Variants in SLC26A5 observed in about 807,000 individuals in gnomAD.
SLC26A5 encodes solute carrier family 26 member 5, also known as prestin.
In SLC26A5, 51 loss-of-function variants were observed where a neutral mutation model predicts 81.0. The observed-to-expected ratio is 0.63, with a 90% CI of 0.50 to 0.80. SLC26A5 has a LOEUF of 0.80. Among genes scored for constraint, SLC26A5 ranks in the 30% least tolerant of loss-of-function variants. The pLI, the probability that SLC26A5 is intolerant of heterozygous loss-of-function variation, is 0.00. For missense variants in SLC26A5, 771 were observed against 905.8 expected, an observed-to-expected ratio of 0.85 and a Z score of 1.91; for synonymous variants, 325 against 332.8, an observed-to-expected ratio of 0.98 and a Z score of 0.25.
rs542627357 is a variant in SLC26A5, at chr7:103,361,671, A to G, written c.2042-8745T>C. 7.2e-5 allele frequency among the ~76,000 whole-genome samples: 11 copies of G among 152,318 alleles called. No homozygotes were observed. The South Asian group carries it at 8.3e-4, about 11-fold the overall frequency. ...ACTTAAGATATACAGGAGCATCACT[A>G]ATAATAAAGGAATACAAACTATGGA... On this transcript the variant is annotated intron_variant, in intron 19 of 19. Transcript: ENST00000339444.
At chr7:103,424,746 G>A in intron 2 of SLC26A5, among the ~76,000 whole-genome samples, 1 of 152,118 alleles carries the variant, frequency 6.6e-6, no homozygotes, top group Non-Finnish European at 1.5e-5. Flanking sequence ...TGTCAATCAG[G>A]TGAATTATGA....
chr7:103,410,577 A>G (rs750124985), intron 6 of SLC26A5, 28 bp from the exon 7 acceptor site: 1 of 1,576,352 alleles, frequency 6.3e-7, no homozygotes, highest in South Asian at 1.1e-5. Flanking sequence ...CAAAGAAACA[A>G]ATGAATCACA....
chr7:103,353,681 A>G (rs929834795), intron 19 of SLC26A5, among the ~76,000 whole-genome samples: 20 of 152,238 alleles, frequency 1.3e-4, no homozygotes, highest in African/African-American at 4.8e-4. Context: ...TGTATGTACT[A>G]TATAAAATAG....
chr7:103,375,399 A>G (rs1341722988), intron 19 of SLC26A5, among the ~76,000 whole-genome samples: 1 of 152,022 alleles, frequency 6.6e-6, no homozygotes, highest in East Asian at 1.9e-4. Context: ...TGCACTTATA[A>G]TTTTGAAAGC....
intron 7 of SLC26A5, among the ~76,000 whole-genome samples, chr7:103,409,639 T>A (rs957993993): frequency 2.6e-5 from 4 of 152,206 alleles, no homozygotes; most frequent in African/African-American, 9.6e-5. Context: ...AAGGGGTCTA[T>A]ATAATTAAAA....
intron 19 of SLC26A5, chr7:103,354,765 A>G (rs1417290340): frequency 2.8e-6 from 2 of 712,332 alleles, no homozygotes; most frequent in Admixed American, 5.0e-5. Flanking sequence ...GCTTTGGGAT[A>G]ATGATAGCTA....
At chr7:103,399,801 G>T (rs1037888845) in intron 8 of SLC26A5, among the ~76,000 whole-genome samples, 2 of 152,088 alleles carry the variant, frequency 1.3e-5, no homozygotes, top group South Asian at 4.1e-4. Flanking sequence ...ACTCCCACTT[G>T]CAAGTGAGAA....
intron 19 of SLC26A5, chr7:103,354,906 A>G: frequency 6.2e-7 from 1 of 1,613,626 alleles, no homozygotes; most frequent in Non-Finnish European, 8.5e-7. Context: ...AGCAAGTTGA[A>G]GATGACATTC....
chr7:103,406,155 C>T (rs1824032255), intron 8 of SLC26A5, among the ~76,000 whole-genome samples: 2 of 152,176 alleles, frequency 1.3e-5, no homozygotes, highest in South Asian at 2.1e-4. Flanking sequence ...CACTTGGCTC[C>T]CTGCCTTTAG....
At position 103,411,403 on chromosome 7, in the gene SLC26A5, C is replaced by A; in HGVS notation, c.570+17G>T. The A allele has an allele frequency of 6.2e-7, 1 of 1,613,932 alleles. No homozygotes were observed. Among genetic ancestry groups the A allele is most frequent in the Non-Finnish European group, 8.5e-7 (1 of 1,179,858 alleles). On this transcript the variant is annotated intron_variant, in intron 6 of 19. Transcript: ENST00000306312. ...TTAACAAACGAGACAGTCCATTTCCCCATCTTTGAGCCTTACCTGAATGAT... is the reference window on the plus strand; with the variant it reads ...TTAACAAACGAGACAGTCCATTTCCACATCTTTGAGCCTTACCTGAATGAT...
intron 2 of SLC26A5, among the ~76,000 whole-genome samples, chr7:103,429,856 C>T (rs1329239764): frequency 6.6e-6 from 1 of 152,196 alleles, no homozygotes; most frequent in Non-Finnish European, 1.5e-5. Context: ...GTTGCCATAG[C>T]ATGTAGTCTT....
At chr7:103,417,289 G>A (rs922838834) in intron 4 of SLC26A5, among the ~76,000 whole-genome samples, 12 of 148,886 alleles carry the variant, frequency 8.1e-5, no homozygotes, top group African/African-American at 2.5e-4. Context: ...AGAATTGCTT[G>A]AATCCGGGAG....
Position 103,390,502 on chromosome 7 carries a change from G to A in SLC26A5, c.1238C>T (p.Ala413Val). Residue 413 changes from alanine to valine, a missense_variant, in exon 12 of 20, where the codon GCA becomes GTA. By Grantham distance (64) the Ala-to-Val change is moderately conservative. Coordinates refer to ENST00000306312, the MANE Select transcript of SLC26A5 (RefSeq NM_198999.3). The stretch of plus-strand genomic sequence containing the variant: ...AATCATTAATGAGGCCAAACAACCT[G>A]CAAGCTGAATGAGAGAAGACACATG... ...QEGTGGKTQL[A>V]GCLASLMILL... is the part of the protein sequence containing the mutation. 6.2e-7 allele frequency: 1 copy of A among 1,613,940 alleles called. No individual in the cohort carries two copies. The highest frequency in any genetic ancestry group is 8.5e-7 in the Non-Finnish European group (1 of 1,179,810).
intron 8 of SLC26A5, among the ~76,000 whole-genome samples, chr7:103,406,272 C>T (rs1824042796): frequency 6.6e-6 from 1 of 152,036 alleles, no homozygotes; most frequent in East Asian, 1.9e-4. Flanking sequence ...AAATAGCTGC[C>T]CAGTTTTGTG....
At chr7:103,383,426 G>A (rs751412745) in intron 14 of SLC26A5, among the ~76,000 whole-genome samples, 1 of 152,156 alleles carries the variant, frequency 6.6e-6, no homozygotes, top group Non-Finnish European at 1.5e-5. Flanking sequence ...TGATGAACAG[G>A]CCTTCCTGAC....
Position 103,367,774 on chromosome 7 carries a change from T to G in SLC26A5, c.2041+9034A>C. Reference sequence around the variant, plus strand: ...ATGAGTGTTGAAAGAGATATCAGATTTGAACTGTTAGCACGACTGTGTCCA... The same window carrying G: ...ATGAGTGTTGAAAGAGATATCAGATGTGAACTGTTAGCACGACTGTGTCCA... On this transcript the variant is annotated intron_variant, in intron 19 of 19. Transcript: ENST00000339444. The surrounding 1 kb of genome is among the most constrained non-coding windows in gnomAD (Gnocchi z 6.1). The G allele has an allele frequency of 6.2e-7, 1 of 1,614,098 alleles. No homozygotes were observed. Among genetic ancestry groups the G allele is most frequent in the Non-Finnish European group, 8.5e-7 (1 of 1,179,964 alleles).
In SLC26A5 at chr7:103,374,246, A is replaced by G; in HGVS notation, c.*153T>C. The G allele has an allele frequency of 1.4e-6, 2 of 1,456,520 alleles. No individual in the cohort carries two copies. The highest frequency in any genetic ancestry group is 1.5e-5 in the South Asian group (1 of 68,220). The allele number at this position is 1,456,520 out of a possible 1,614,324, so 90.2% of individuals were successfully genotyped here. A position where few individuals can be genotyped will look rare whatever the true frequency, so the allele number is the denominator to read the frequency against. On this transcript the variant is annotated 3_prime_UTR_variant, in exon 20 of 20. Coordinates refer to ENST00000306312, the MANE Select transcript of SLC26A5 (RefSeq NM_198999.3). The stretch of plus-strand genomic sequence containing the variant: ...ATTCAATTAAAAAAACACAAGTACA[A>G]TACATCTTGCTAGGCGTCATTCACC...
chr7:103,418,377 T>G (rs1232787237), intron 4 of SLC26A5, among the ~76,000 whole-genome samples: 1 of 152,232 alleles, frequency 6.6e-6, no homozygotes. Flanking sequence ...TGAGGAGTTC[T>G]TTGAGTGTGA....
rs1377220869 is a variant in SLC26A5 at position 103,406,708 on chromosome 7, TG to T, written c.888+1142del. Among the ~76,000 whole-genome samples, 8 of 152,278 alleles carry T rather than the reference TG, an allele frequency of 5.3e-5. No homozygotes were observed. In the South Asian group the frequency reaches 8.3e-4, roughly 16 times the overall value. On this transcript the variant is annotated intron_variant, in intron 8 of 19. Transcript: ENST00000306312. The stretch of plus-strand genomic sequence containing the variant: ...TCTTGCTTTGTCACCCAGGCTGGAG[TG>T]CAGAGGTGTGATCTTGGCTCACTGC...
Sources: gnomAD v4.1 joint callset for allele counts (sites outside exome capture counted in the v4.1 genomes callset) on GRCh38, gnomAD v4.1.1 for gene constraint, Gnocchi (gnomAD v3.1) non-coding constraint, MANE v1.5 for transcripts, NCBI Gene and HGNC (gene_info 2026-07-23, HGNC 2026-07-21) for gene names.